The following SLC36A1 variants were observed in gnomAD, a reference collection of about 807,000 sequenced individuals.
SLC36A1 encodes solute carrier family 36 member 1, also known as proton-coupled amino acid transporter 1.
A neutral mutation model predicts 47.5 loss-of-function variants in SLC36A1; 30 were observed. The ratio of observed to expected loss-of-function variants is 0.63; its 90% CI spans 0.47 to 0.86. SLC36A1 has a LOEUF of 0.86. Ranked by LOEUF, SLC36A1 falls within the 40% of genes least tolerant of loss-of-function variation. SLC36A1 has a pLI of 0.00. For synonymous variants in SLC36A1, 255 were observed against 249.7 expected (o/e 1.02, Z -0.20); for missense variants, 517 against 606.0 (o/e 0.85, Z 1.54).
chr5:151,532,719 G>A, the SLC36A1 span, among the ~76,000 whole-genome samples: 1 of 152,104 alleles, frequency 6.6e-6, no homozygotes, highest in South Asian at 2.1e-4. Flanking sequence ...ATTTTCTTTG[G>A]TTAAGTACCA....
the SLC36A1 span, among the ~76,000 whole-genome samples, chr5:151,367,361 A>ATATTTTTTTTTTTTTTTTT: frequency 2.1e-4 from 25 of 118,854 alleles, no homozygotes; most frequent in African/African-American, 6.8e-4. Context: ...CCAGGAATGC[A>ATATTTTTTTTTTTTTTTTT]TTTTTTTTTT....
chr5:151,544,566 A>G, the SLC36A1 span: 1 of 1,614,024 alleles, frequency 6.2e-7, no homozygotes, highest in East Asian at 2.2e-5. Context: ...GAATTGGGGT[A>G]TAGAGGGTGA....
chr5:151,450,247 C>T (rs1753439079), intron 1 of SLC36A1, among the ~76,000 whole-genome samples: 2 of 151,702 alleles, frequency 1.3e-5, no homozygotes, highest in South Asian at 4.2e-4. Flanking sequence ...ATGGATGGAG[C>T]TGATGTCCAC....
chr5:151,518,374 A>AATTATTATTATTATTATT, the SLC36A1 span, among the ~76,000 whole-genome samples: 29 of 147,414 alleles, frequency 2.0e-4, no homozygotes, highest in East Asian at 9.9e-4. Flanking sequence ...TAATAATAAT[A>AATTATTATTATTATTATT]ATTTTTAAAA....
At chr5:151,537,282 G>C in the SLC36A1 span, among the ~76,000 whole-genome samples, 1 of 149,924 alleles carries the variant, frequency 6.7e-6, no homozygotes, top group African/African-American at 2.5e-5. Flanking sequence ...GGTGGTGGAG[G>C]AGGAGGAGGA....
At chr5:151,353,566 A>G in the SLC36A1 span, among the ~76,000 whole-genome samples, 1 of 152,002 alleles carries the variant, frequency 6.6e-6, no homozygotes, top group South Asian at 2.1e-4. Flanking sequence ...CTACACTGAC[A>G]CACCATTATC....
the SLC36A1 span, among the ~76,000 whole-genome samples, chr5:151,405,951 T>G: frequency 6.6e-6 from 1 of 152,214 alleles, no homozygotes; most frequent in South Asian, 2.1e-4. Context: ...TAGATAGTGC[T>G]TAAGAGTGAG....
the SLC36A1 span, among the ~76,000 whole-genome samples, chr5:151,416,947 C>CT: frequency 6.6e-6 from 1 of 152,172 alleles, no homozygotes; most frequent in Non-Finnish European, 1.5e-5. Flanking sequence ...GCTCTTCCCC[C>CT]CTTCGCTTAG....
chr5:151,545,207 A>G, the SLC36A1 span: 20 of 1,614,096 alleles, frequency 1.2e-5, no homozygotes, highest in Non-Finnish European at 1.5e-5. Context: ...ACAGCTGCCC[A>G]GTAGACATCC....
At chr5:151,361,307 C>T in the SLC36A1 span, among the ~76,000 whole-genome samples, 1 of 152,176 alleles carries the variant, frequency 6.6e-6, no homozygotes, top group Non-Finnish European at 1.5e-5. Context: ...ATGAAAGTTA[C>T]TAACTGTAAT....
rs535299660 is a variant in SLC36A1, at chr5:151,462,236, T to G, written c.144-1317T>G. 1.3e-3 allele frequency among the ~76,000 whole-genome samples: 198 copies of G among 152,340 alleles called. 1 individual carries two copies. Among genetic ancestry groups the G allele is most frequent in the Non-Finnish European group, 1.7e-3 (115 of 68,034 alleles). On this transcript the variant is annotated intron_variant, in intron 2 of 10. Coordinates refer to ENST00000243389, the MANE Select transcript of SLC36A1 (RefSeq NM_078483.4). ...TAGTGGTGATATTAACAAATATGAC[T>G]TTTTGATATTATTAATATACAATGA...
chr5:151,363,488 C>A, the SLC36A1 span, among the ~76,000 whole-genome samples: 1 of 152,026 alleles, frequency 6.6e-6, no homozygotes, highest in African/African-American at 2.4e-5. Flanking sequence ...ACTGGTGATA[C>A]TCTTGGTGCT....
At chr5:151,349,286 G>T in the SLC36A1 span, among the ~76,000 whole-genome samples, 1 of 151,988 alleles carries the variant, frequency 6.6e-6, no homozygotes, top group African/African-American at 2.4e-5. Flanking sequence ...TCAGTGTTTG[G>T]CCAGAGCTCT....
chr5:151,545,200 G>A, the SLC36A1 span: 2 of 1,614,180 alleles, frequency 1.2e-6, no homozygotes, highest in South Asian at 2.2e-5. Flanking sequence ...CTCCTTCACA[G>A]CTGCCCAGTA....
chr5:151,491,462 G>A lies in SLC36A1; in HGVS notation c.*3208G>A, dbSNP rs1338989507. The A allele has an allele frequency of 6.6e-6, 1 of 152,596 alleles. No homozygotes were observed. Among genetic ancestry groups the A allele is most frequent in the Non-Finnish European group, 1.5e-5 (1 of 68,026 alleles). 9.5% of individuals were successfully genotyped at this position (152,596 alleles called of 1,614,324 possible). On this transcript the variant is annotated 3_prime_UTR_variant, in exon 11 of 11. Coordinates refer to ENST00000243389, the MANE Select transcript of SLC36A1 (RefSeq NM_078483.4). ...TTAGTTTTATCAGTAGTCTTAAAGTGTTGATCTCAAACAAGTACATTAGAA... is the reference window on the plus strand; with the variant it reads ...TTAGTTTTATCAGTAGTCTTAAAGTATTGATCTCAAACAAGTACATTAGAA...
At chr5:151,364,609 C>T in the SLC36A1 span, among the ~76,000 whole-genome samples, 2 of 152,126 alleles carry the variant, frequency 1.3e-5, no homozygotes, top group African/African-American at 4.8e-5. Context: ...TCAGATTAGG[C>T]AACTAATCCT....
At chr5:151,477,573 T>A (rs1424536768) in intron 9 of SLC36A1, 1 of 152,290 alleles carries the variant, frequency 6.6e-6, no homozygotes, top group Non-Finnish European at 1.5e-5. Context: ...GGTATGGCTA[T>A]AGACCTGGAT....
At chr5:151,397,594 G>A in the SLC36A1 span, among the ~76,000 whole-genome samples, 4 of 151,684 alleles carry the variant, frequency 2.6e-5, no homozygotes, top group African/African-American at 4.8e-5. Flanking sequence ...GTGAAACCCC[G>A]TCTCTACTAA....
chr5:151,472,288 G>C (rs1196751726), intron 7 of SLC36A1, among the ~76,000 whole-genome samples: 3 of 152,264 alleles, frequency 2.0e-5, no homozygotes, highest in Admixed American at 6.5e-5. Flanking sequence ...GGGAGGCTAA[G>C]CCAGTCTAGC....
Sources: gnomAD v4.1 joint callset for allele counts (sites outside exome capture counted in the v4.1 genomes callset) on GRCh38, gnomAD v4.1.1 for gene constraint, MANE v1.5 for transcripts, NCBI Gene and HGNC (gene_info 2026-07-23, HGNC 2026-07-21) for gene names.